The following DNAH11 variants were observed in gnomAD, a reference collection of about 807,000 sequenced individuals.
The protein encoded by DNAH11 is dynein axonemal heavy chain 11.
A neutral mutation model predicts 526.0 loss-of-function variants in DNAH11; 442 were observed. The observed-to-expected ratio is 0.84, with a 90% CI of 0.78 to 0.91. DNAH11 has a LOEUF of 0.91. Among genes scored for constraint, DNAH11 ranks in the 40% least tolerant of loss-of-function variants. The pLI, the probability that DNAH11 is intolerant of heterozygous loss-of-function variation, is 0.00. For synonymous variants in DNAH11, 2,461 were observed against 1,935.9 expected (o/e 1.27, Z -7.12); for missense variants, 6,989 against 5,448.7 (o/e 1.28, Z -8.90).
chr7:21,601,260 A>T, intron 17 of DNAH11, 81 bp downstream of exon 17: 1 of 1,489,458 alleles, frequency 6.7e-7, no homozygotes, highest in Non-Finnish European at 9.0e-7. Flanking sequence ...AAGCGTATTA[A>T]TGTTGCCAGT....
At chr7:21,711,680 G>A in intron 41 of DNAH11, 32 bp from the exon 42 acceptor site, 1 of 1,599,786 alleles carries the variant, frequency 6.3e-7, no homozygotes, top group East Asian at 2.2e-5. Context: ...CATTGCTTTT[G>A]CCCATGGGTG....
At chr7:21,725,176 A>G (rs1055812743) in intron 44 of DNAH11, among the ~76,000 whole-genome samples, 1 of 152,182 alleles carries the variant, frequency 6.6e-6, no homozygotes, top group Admixed American at 6.5e-5. Flanking sequence ...GTTGATCCCT[A>G]TGCAGTTTTC....
At chr7:21,679,783 C>G (rs561843484) in intron 30 of DNAH11, among the ~76,000 whole-genome samples, 13 of 152,166 alleles carry the variant, frequency 8.5e-5, no homozygotes, top group African/African-American at 3.1e-4. Context: ...AATTTCTCCT[C>G]CCTGGATTGG....
At position 21,749,821 on chromosome 7, in the gene DNAH11, T is replaced by G. The variant is rs16872911; in HGVS notation, c.8797+20T>G. ...CATCAGGTGATTAAACCAACACATT[T>G]CTTGAAAGATCTTCCCCAATGACAA... On this transcript the variant is annotated intron_variant, in intron 53 of 81. Coordinates refer to ENST00000409508, the MANE Select transcript of DNAH11 (RefSeq NM_001277115.2). 2,798 of 1,612,870 alleles carry G rather than the reference T, an allele frequency of 1.7e-3. 111 individuals are homozygous for G. The East Asian group carries it at 0.053, about 30-fold the overall frequency.
chr7:21,807,438 G>A (rs1373719979), intron 62 of DNAH11, among the ~76,000 whole-genome samples: 1 of 152,192 alleles, frequency 6.6e-6, no homozygotes, highest in South Asian at 2.1e-4. Context: ...GGTAAAAGTT[G>A]CAATGAGCCA....
chr7:21,746,113 G>A (rs111566990), intron 51 of DNAH11, among the ~76,000 whole-genome samples: 214 of 152,216 alleles, frequency 1.4e-3, no homozygotes, highest in African/African-American at 4.7e-3. Context: ...GTTTTACCCT[G>A]GGGATGACAC....
intron 30 of DNAH11, among the ~76,000 whole-genome samples, chr7:21,674,968 T>C (rs1227831511): frequency 6.6e-6 from 1 of 152,240 alleles, no homozygotes; most frequent in Admixed American, 6.5e-5. Context: ...GTCACTGTTC[T>C]GAAGATCCCT....
At chr7:21,590,444 A>G (rs1447029283) in intron 12 of DNAH11, among the ~76,000 whole-genome samples, 1 of 152,222 alleles carries the variant, frequency 6.6e-6, no homozygotes, top group Non-Finnish European at 1.5e-5. Context: ...GATGAAGATT[A>G]TACATTCACT....
At chr7:21,689,147 C>G (rs1783509734) in intron 34 of DNAH11, among the ~76,000 whole-genome samples, 4 of 152,138 alleles carry the variant, frequency 2.6e-5, no homozygotes, top group Admixed American at 1.3e-4. Context: ...CTGACCTGTC[C>G]CATCTCTAAG....
At chr7:21,853,996 A>G (rs1382920513) in intron 67 of DNAH11, among the ~76,000 whole-genome samples, 1 of 152,210 alleles carries the variant, frequency 6.6e-6, no homozygotes. Context: ...TGGGTTATTA[A>G]GCCTTGAAAG....
At chr7:21,828,632 A>C (rs1790412677) in intron 65 of DNAH11, among the ~76,000 whole-genome samples, 1 of 152,186 alleles carries the variant, frequency 6.6e-6, no homozygotes, top group Admixed American at 6.5e-5. Context: ...TAAAATAACA[A>C]ACAAATGAAA....
chr7:21,862,090 A>G, intron 69 of DNAH11, 67 bp downstream of exon 69: 2 of 1,340,666 alleles, frequency 1.5e-6, no homozygotes, highest in East Asian at 5.7e-5. Flanking sequence ...TTTATTATAT[A>G]TTTTATTTCT....
intron 61 of DNAH11, among the ~76,000 whole-genome samples, chr7:21,799,873 C>T (rs1319887460): frequency 6.6e-6 from 1 of 152,146 alleles, no homozygotes; most frequent in East Asian, 1.9e-4. Flanking sequence ...TTTCTTGGAA[C>T]TTTGCATGCA....
chr7:21,788,530 T>C (rs1011462974), intron 60 of DNAH11, among the ~76,000 whole-genome samples: 11 of 152,140 alleles, frequency 7.2e-5, no homozygotes, highest in Admixed American at 4.6e-4. Context: ...TCTGTGTTTA[T>C]TTTGCTATAA....
At chr7:21,726,060 T>C in intron 45 of DNAH11, 76 bp downstream of exon 45, 1 of 1,364,218 alleles carries the variant, frequency 7.3e-7, no homozygotes, top group Non-Finnish European at 9.7e-7. Flanking sequence ...CTGGGTAATT[T>C]ATAAAGAAAA....
At chr7:21,600,522 G>A (rs1053118607) in intron 15 of DNAH11, among the ~76,000 whole-genome samples, 154 bp from the exon 16 acceptor site, 13 of 152,124 alleles carry the variant, frequency 8.5e-5, no homozygotes, top group Non-Finnish European at 1.9e-4. Flanking sequence ...AAAATGGGAA[G>A]CACAGGGAAA....
intron 30 of DNAH11, among the ~76,000 whole-genome samples, chr7:21,673,588 TC>T (rs748416823): frequency 3.3e-4 from 50 of 152,260 alleles, no homozygotes; most frequent in Non-Finnish European, 5.4e-4. Flanking sequence ...TGCTCTGACC[TC>T]TCTCAAGGCT....
intron 74 of DNAH11, among the ~76,000 whole-genome samples, chr7:21,876,037 C>T (rs1267414835): frequency 6.6e-6 from 1 of 151,984 alleles, no homozygotes; most frequent in Non-Finnish European, 1.5e-5. Flanking sequence ...GTGCCTGCCA[C>T]CATGCACGGC....
intron 37 of DNAH11, 126 bp downstream of exon 37, chr7:21,702,928 TG>T: frequency 1.2e-6 from 1 of 814,378 alleles, no homozygotes; most frequent in South Asian, 1.8e-5. Flanking sequence ...CTGTTGTTAA[TG>T]CAGGAAATTT....
Sources: gnomAD v4.1 joint callset for allele counts (sites outside exome capture counted in the v4.1 genomes callset) on GRCh38, gnomAD v4.1.1 for gene constraint, MANE v1.5 for transcripts, NCBI Gene and HGNC (gene_info 2026-07-23, HGNC 2026-07-21) for gene names.